PDE1A: variants seen among roughly 807,000 people sequenced by gnomAD.
PDE1A encodes the protein dual specificity calcium/calmodulin-dependent 3',5'-cyclic nucleotide phosphodiesterase 1A.
PDE1A carries 35 observed loss-of-function variants against 61.7 expected under a neutral mutation model. The observed-to-expected ratio is 0.57, with a 90% CI of 0.43 to 0.75. The LOEUF (loss-of-function observed/expected upper bound fraction) is 0.75, where lower values mean the gene tolerates loss of function less well. PDE1A is among the 30% of genes least tolerant of loss of function. The pLI, the probability that PDE1A is intolerant of heterozygous loss-of-function variation, is 0.00. For synonymous variants in PDE1A, 232 were observed against 213.2 expected, an observed-to-expected ratio of 1.09 and a Z score of -0.77; for missense variants, 597 against 630.6, an observed-to-expected ratio of 0.95 and a Z score of 0.57.
rs776419443 is a variant in PDE1A, at chr2:182,187,852, C to G, written c.1207+1127G>C. On this transcript the variant is annotated intron_variant, in intron 11 of 13. Transcript: ENST00000351439. The stretch of plus-strand genomic sequence containing the variant: ...CTCTGCCTCCTGGGTTCAAGTGATT[C>G]TCATGCCTCGGCCTCCCGAGTAGCT... Among the ~76,000 whole-genome samples, 2 of 139,888 alleles carry G rather than the reference C, an allele frequency of 1.4e-5. 1 individual carries two copies. Among genetic ancestry groups the G allele is most frequent in the Non-Finnish European group, 3.0e-5 (2 of 66,334 alleles). The allele number at this position is 139,888 out of a possible 152,430, so 91.8% of individuals were successfully genotyped here. A position where few individuals can be genotyped will look rare whatever the true frequency, so the allele number is the denominator to read the frequency against.
chr2:182,246,638 C>T (rs1288218804), intron 2 of PDE1A, among the ~76,000 whole-genome samples: 1 of 151,860 alleles, frequency 6.6e-6, no homozygotes, highest in African/African-American at 2.4e-5. Context: ...AAACTCTTGA[C>T]CTCAAGTGAT....
intron 2 of PDE1A, among the ~76,000 whole-genome samples, chr2:182,485,948 G>T (rs1034035462): frequency 6.6e-6 from 1 of 151,830 alleles, no homozygotes; most frequent in African/African-American, 2.4e-5. Context: ...AAACTGGAAG[G>T]TCTACCCACT....
chr2:182,331,535 C>T (rs1028381059), intron 1 of PDE1A, among the ~76,000 whole-genome samples: 6 of 152,198 alleles, frequency 3.9e-5, no homozygotes, highest in African/African-American at 1.4e-4. Context: ...TCTTGTAAGG[C>T]AAACCTGGTG....
the PDE1A span, among the ~76,000 whole-genome samples, chr2:182,563,337 T>C: frequency 6.6e-6 from 1 of 152,160 alleles, no homozygotes; most frequent in Non-Finnish European, 1.5e-5. Context: ...CAGGAGCAGG[T>C]TGTTCAGTTT....
At chr2:182,208,856 A>G (rs1687339835) in intron 7 of PDE1A, among the ~76,000 whole-genome samples, 1 of 152,198 alleles carries the variant, frequency 6.6e-6, no homozygotes, top group Non-Finnish European at 1.5e-5. Flanking sequence ...GAATAGGAGC[A>G]TTTACCCAAT....
At chr2:182,687,711 G>GT in the PDE1A span, among the ~76,000 whole-genome samples, 1 of 152,218 alleles carries the variant, frequency 6.6e-6, no homozygotes, top group East Asian at 1.9e-4. Context: ...AGAGAAGAAG[G>GT]TTTCAGACAA....
Position 182,194,525 on chromosome 2 carries a change from G to A in PDE1A, c.1126-5465C>T, listed in dbSNP as rs918392895. On this transcript the variant is annotated intron_variant, in intron 10 of 13. Transcript: ENST00000351439. Reference sequence around the variant, plus strand: ...TTAATAAATATCACAGGCTTGTTGCGAAAATGCCTTGGAAATGAGAACTCG... The same window carrying A: ...TTAATAAATATCACAGGCTTGTTGCAAAAATGCCTTGGAAATGAGAACTCG... 1.6e-4 allele frequency among the ~76,000 whole-genome samples: 24 copies of A among 152,030 alleles called. 1 individual carries two copies. Among genetic ancestry groups the A allele is most frequent in the Admixed American group, 7.9e-4 (12 of 15,238 alleles).
chr2:182,628,474 C>G, the PDE1A span, among the ~76,000 whole-genome samples: 1 of 152,074 alleles, frequency 6.6e-6, no homozygotes, highest in Non-Finnish European at 1.5e-5. Context: ...ACAATTAACA[C>G]CATGTTAGAA....
chr2:182,524,967 C>A (rs1690754251), upstream of PDE1A, among the ~76,000 whole-genome samples: 1 of 151,850 alleles, frequency 6.6e-6, no homozygotes, highest in South Asian at 2.1e-4. Context: ...AATTTAGTAT[C>A]TACTATTGCC....
At chr2:182,649,911 A>C in the PDE1A span, among the ~76,000 whole-genome samples, 371 of 152,170 alleles carry the variant, frequency 2.4e-3, 3 homozygotes, top group African/African-American at 8.5e-3. Flanking sequence ...CCCGGCCTAC[A>C]AAAAAATTTT....
At chr2:182,626,772 CATATATATACATATATATACATATATAT>C in the PDE1A span, among the ~76,000 whole-genome samples, 7 of 2,404 alleles carry the variant, frequency 2.9e-3, 1 homozygote, top group Non-Finnish European at 5.0e-3. Flanking sequence ...CATATATATA[CATATATATACATATATATACATATATAT>C]ACATATATAT....
the PDE1A span, among the ~76,000 whole-genome samples, chr2:182,533,816 G>T: frequency 1.3e-5 from 2 of 151,992 alleles, no homozygotes; most frequent in Non-Finnish European, 2.9e-5. Context: ...GAGCTCCATG[G>T]ATATGGATTG....
At chr2:182,311,886 C>T (rs1695999848) in intron 1 of PDE1A, among the ~76,000 whole-genome samples, 1 of 152,062 alleles carries the variant, frequency 6.6e-6, no homozygotes, top group South Asian at 2.1e-4. Context: ...ATTTTGTATG[C>T]CCAACAGCAT....
At chr2:182,332,435 T>G (rs1222357947) in intron 1 of PDE1A, among the ~76,000 whole-genome samples, 1 of 152,204 alleles carries the variant, frequency 6.6e-6, no homozygotes, top group East Asian at 1.9e-4. Context: ...AGAGAAGTTC[T>G]GGGTTTTGGG....
intron 1 of PDE1A, among the ~76,000 whole-genome samples, chr2:182,307,365 T>C (rs1695655863): frequency 6.6e-6 from 1 of 152,134 alleles, no homozygotes; most frequent in Admixed American, 6.6e-5. Context: ...GACTGTGTTT[T>C]TGTTGTGGGA....
rs1338782803 is a variant in PDE1A at position 182,213,747 on chromosome 2, T to C, written c.777-7682A>G. Among the ~76,000 whole-genome samples the C allele has an allele frequency of 1.3e-4, 9 of 67,162 alleles. 4 individuals carry two copies. Among genetic ancestry groups the C allele is most frequent in the African/African-American group, 4.9e-4 (9 of 18,480 alleles). The allele number at this position is 67,162 out of a possible 152,430, so 44.1% of individuals were successfully genotyped here. On this transcript the variant is annotated intron_variant, in intron 7 of 13. Transcript: ENST00000351439. ...AGAATAAAAAGAAACGAGCAAAGCC[T>C]CCAAGAAATATGGGACTATGTGAAA...
the PDE1A span, among the ~76,000 whole-genome samples, chr2:182,589,236 G>A: frequency 1.4e-5 from 2 of 140,056 alleles, no homozygotes; most frequent in Non-Finnish European, 3.1e-5. Flanking sequence ...AAGAAAAAAA[G>A]GGGAAAAAAA....
chr2:182,173,977 C>T (rs1692482879), intron 13 of PDE1A, among the ~76,000 whole-genome samples: 1 of 145,856 alleles, frequency 6.9e-6, no homozygotes, highest in East Asian at 2.1e-4. Flanking sequence ...CTCTAAGCAA[C>T]AGATATGGAA....
At chr2:182,695,506 A>C in the PDE1A span, among the ~76,000 whole-genome samples, 1 of 151,942 alleles carries the variant, frequency 6.6e-6, no homozygotes, top group Non-Finnish European at 1.5e-5. Flanking sequence ...CTCTACTAAA[A>C]CTACAAAAAA....
Sources: gnomAD v4.1 joint callset for allele counts (sites outside exome capture counted in the v4.1 genomes callset) on GRCh38, gnomAD v4.1.1 for gene constraint, MANE v1.5 for transcripts, NCBI Gene and HGNC (gene_info 2026-07-23, HGNC 2026-07-21) for gene names.